The following CUX2 variants were observed in gnomAD, a reference collection of about 807,000 sequenced individuals.
CUX2 encodes homeobox protein cut-like 2.
Under a neutral mutation model 144.8 loss-of-function variants are expected in CUX2, and 40 were observed. That is an observed-to-expected ratio of 0.28 (90% CI 0.21 to 0.36). The LOEUF is 0.36. Ranked by LOEUF, CUX2 falls within the 10% of genes least tolerant of loss-of-function variation. CUX2 has a pLI of 1.00. For missense variants in CUX2, 1,615 were observed against 1,994.0 expected (o/e 0.81, Z 3.62); for synonymous variants, 827 against 875.6 (o/e 0.94, Z 0.98).
At chr12:111,095,107 T>C (rs572927100) in intron 1 of CUX2, among the ~76,000 whole-genome samples, 90 of 152,196 alleles carry the variant, frequency 5.9e-4, no homozygotes, top group Non-Finnish European at 1.1e-3. Context: ...GCATCTCTTA[T>C]GCTGTTTATT....
At chr12:111,318,276 G>T (rs1350992966) in intron 16 of CUX2, among the ~76,000 whole-genome samples, 1 of 128,962 alleles carries the variant, frequency 7.8e-6, no homozygotes, top group African/African-American at 3.2e-5. Flanking sequence ...TTTTTGTAGA[G>T]TCAGGGTCTC....
chr12:111,071,083 GT>G (rs774905040), intron 1 of CUX2, among the ~76,000 whole-genome samples: 4,497 of 134,168 alleles, frequency 0.034, 110 homozygotes, highest in African/African-American at 0.082. Flanking sequence ...CTTTCTCTAG[GT>G]TTTTTTTTTT....
At chr12:111,251,376 A>T (rs1190558516) in intron 3 of CUX2, among the ~76,000 whole-genome samples, 2 of 152,226 alleles carry the variant, frequency 1.3e-5, no homozygotes, top group Non-Finnish European at 2.9e-5. Flanking sequence ...CTGAGCGATT[A>T]TATTAGTTGC....
rs569475887 is a variant in CUX2 at position 111,051,950 on chromosome 12, A to G, written c.63+17710A>G. ...ACCATATATATTGTAACTTATAGGA[A>G]TCAAGTTCAGATTTATAGCAGTGTA... On this transcript the variant is annotated intron_variant, in intron 1 of 21. Transcript: ENST00000261726. Among the ~76,000 whole-genome samples, 6 of 152,218 alleles carry G rather than the reference A, an allele frequency of 3.9e-5. No homozygotes were observed. The East Asian group carries it at 1.2e-3, about 29-fold the overall frequency.
chr12:111,090,606 A>G (rs536645406), intron 1 of CUX2, among the ~76,000 whole-genome samples: 2 of 152,200 alleles, frequency 1.3e-5, no homozygotes, highest in African/African-American at 4.8e-5. Flanking sequence ...TCTGTAAAAC[A>G]GAGGTGATTT....
intron 1 of CUX2, among the ~76,000 whole-genome samples, chr12:111,071,393 A>G (rs1871249274): frequency 6.6e-6 from 1 of 152,148 alleles, no homozygotes. Context: ...GCATCTTTTC[A>G]TATGCTTATT....
At chr12:111,206,342 A>G (rs1880918974) in intron 1 of CUX2, among the ~76,000 whole-genome samples, 1 of 152,190 alleles carries the variant, frequency 6.6e-6, no homozygotes, top group Non-Finnish European at 1.5e-5. Flanking sequence ...AGAAAAAAAA[A>G]GTTAAGGGCT....
At chr12:111,120,068 AT>A (rs925159857) in intron 1 of CUX2, among the ~76,000 whole-genome samples, 1 of 151,974 alleles carries the variant, frequency 6.6e-6, no homozygotes, top group East Asian at 1.9e-4. Flanking sequence ...AAAAAAAAAA[AT>A]TTTTTTTAAA....
intron 1 of CUX2, among the ~76,000 whole-genome samples, chr12:111,122,176 T>C (rs182007150): frequency 4.1e-4 from 62 of 152,296 alleles, no homozygotes; most frequent in Non-Finnish European, 7.4e-4. Context: ...CAACTTTAAT[T>C]TAAAGAAATC....
rs1034771944 is a variant in CUX2 at position 111,178,020 on chromosome 12, A to G, written c.64-36180A>G. Among the ~76,000 whole-genome samples, 1 of 152,226 alleles carries G rather than the reference A, an allele frequency of 6.6e-6. No individual in the cohort carries two copies. Among genetic ancestry groups the G allele is most frequent in the African/African-American group, 2.4e-5 (1 of 41,468 alleles). The stretch of plus-strand genomic sequence containing the variant: ...ATTGTTGTTTGCCAATAAGAAATAC[A>G]CATCCAAAGAATGAGAGTAATTCAC... On this transcript the variant is annotated intron_variant, in intron 1 of 21. Transcript: ENST00000261726. The surrounding 1 kb of genome is among the most constrained non-coding windows in gnomAD (Gnocchi z 5.7).
At chr12:111,149,240 A>G (rs2136133838) in intron 1 of CUX2, among the ~76,000 whole-genome samples, 1 of 152,260 alleles carries the variant, frequency 6.6e-6, no homozygotes, top group Admixed American at 6.5e-5. Flanking sequence ...CAAGCTCGTA[A>G]ACTTTCTTAA....
At chr12:111,333,708 T>C (rs1217148134) in intron 18 of CUX2, among the ~76,000 whole-genome samples, 1 of 151,912 alleles carries the variant, frequency 6.6e-6, no homozygotes, top group Non-Finnish European at 1.5e-5. Context: ...ACTTGGATCA[T>C]TGGTTAAGAT....
Position 111,175,994 on chromosome 12 carries a change from G to C in CUX2, c.64-38206G>C, listed in dbSNP as rs142870820. Among the ~76,000 whole-genome samples, 53 of 151,566 alleles carry C rather than the reference G, an allele frequency of 3.5e-4. No individual in the cohort carries two copies. In the East Asian group the frequency reaches 9.1e-3, roughly 26 times the overall value. ...GCAGTGGGTGCTTTTCCCTAGATTG[G>C]GGGGAGAACTGATGGGGTTTGAGGA... is the stretch of plus-strand genomic sequence containing the variant. On this transcript the variant is annotated intron_variant, in intron 1 of 21. Coordinates refer to ENST00000261726, the MANE Select transcript of CUX2 (RefSeq NM_015267.4).
At chr12:111,143,399 A>G (rs1592935854) in intron 1 of CUX2, among the ~76,000 whole-genome samples, 1 of 152,310 alleles carries the variant, frequency 6.6e-6, no homozygotes, top group Middle Eastern at 3.4e-3. Flanking sequence ...GAGCCCTGTC[A>G]TTCGCACCAG....
chr12:111,239,021 A>C (rs1048819763), intron 3 of CUX2, among the ~76,000 whole-genome samples: 6 of 152,150 alleles, frequency 3.9e-5, no homozygotes, highest in Non-Finnish European at 8.8e-5. Flanking sequence ...CTCCAGTGTG[A>C]GTGACAGAGC....
Position 111,037,442 on chromosome 12 carries a change from CTG to C in CUX2, c.63+3204_63+3205del, listed in dbSNP as rs1290885314. ...GTTATTATTCCTTCCAGCGCCGTCT[CTG>C]TACACAGCAGGGCTGTTTTCCTAGG... On this transcript the variant is annotated intron_variant, in intron 1 of 21. Coordinates refer to ENST00000261726, the MANE Select transcript of CUX2 (RefSeq NM_015267.4). The surrounding 1 kb of genome is among the most constrained non-coding windows in gnomAD (Gnocchi z 5.4). 1.3e-5 allele frequency among the ~76,000 whole-genome samples: 2 copies of C among 152,242 alleles called. No homozygotes were observed. Among genetic ancestry groups the C allele is most frequent in the African/African-American group, 4.8e-5 (2 of 41,462 alleles).
At position 111,293,803 on chromosome 12, in the gene CUX2, C is replaced by T. The variant is rs1008387494; in HGVS notation, c.560+234C>T. Among the ~76,000 whole-genome samples the T allele has an allele frequency of 1.3e-5, 2 of 152,220 alleles. No homozygotes were observed. Among genetic ancestry groups the T allele is most frequent in the South Asian group, 2.1e-4 (1 of 4,832 alleles). The stretch of plus-strand genomic sequence containing the variant: ...CACATCATCCTCTGAGCCTCAACTT[C>T]CCTACCTGGGAAATGGGGCTAAGGG... On this transcript the variant is annotated intron_variant, in intron 6 of 21. Coordinates refer to ENST00000261726, the MANE Select transcript of CUX2 (RefSeq NM_015267.4). The surrounding 1 kb of genome is among the most constrained non-coding windows in gnomAD (Gnocchi z 4.5).
intron 1 of CUX2, among the ~76,000 whole-genome samples, chr12:111,074,774 G>T (rs1871431212): frequency 6.6e-6 from 1 of 152,036 alleles, no homozygotes; most frequent in Non-Finnish European, 1.5e-5. Flanking sequence ...ACGGCGGCAG[G>T]GCCCAGCAGC....
chr12:111,236,339 C>T (rs902889549), intron 3 of CUX2, among the ~76,000 whole-genome samples: 22 of 152,196 alleles, frequency 1.4e-4, no homozygotes, highest in African/African-American at 5.3e-4. Context: ...CAGTATATAT[C>T]AGGCTCTCTG....
Sources: allele counts gnomAD v4.1 joint callset (sites outside exome capture counted in the v4.1 genomes callset), GRCh38; gene constraint gnomAD v4.1.1; non-coding constraint Gnocchi (gnomAD v3.1); transcripts MANE v1.5; gene names NCBI Gene and HGNC (gene_info 2026-07-23, HGNC 2026-07-21).